Variants in DECR2 observed in about 807,000 individuals in gnomAD.
DECR2 encodes peroxisomal 2,4-dienoyl-CoA reductase [(3E)-enoyl-CoA-producing].
DECR2 carries 34 observed loss-of-function variants against 29.2 expected under a neutral mutation model. The ratio of observed to expected loss-of-function variants is 1.16; its 90% CI spans 0.89 to 1.55. The LOEUF is 1.55. DECR2 is among the 40% of genes most tolerant of loss of function. The pLI is 0.00. For missense variants in DECR2, 485 were observed against 425.3 expected (o/e 1.14, Z -1.23); for synonymous variants, 224 against 182.7 (o/e 1.23, Z -1.82).
chr16:408,808 A>G (rs985538717), intron 4 of DECR2, among the ~76,000 whole-genome samples: 14 of 151,338 alleles, frequency 9.3e-5, no homozygotes, highest in Non-Finnish European at 1.5e-5. Flanking sequence ...AGAGTCATCA[A>G]TAAAATAGAA....
rs1567340769 is a variant in DECR2 at position 408,024 on chromosome 16, CG to C, written c.337+467del. ...GCCTCTGTCTCCGGCCCCCTGTCTC[CG>C]GGCCCCTGTCTCCGGGCCTCTGTCT... On this transcript the variant is annotated intron_variant, in intron 4 of 8. Transcript: ENST00000219481. Among the ~76,000 whole-genome samples the C allele has an allele frequency of 3.4e-4, 19 of 56,282 alleles. 1 individual carries two copies. The highest frequency in any genetic ancestry group is 9.6e-4 in the East Asian group (2 of 2,084). 36.9% of individuals were successfully genotyped at this position (56,282 alleles called of 152,430 possible).
Position 410,268 on chromosome 16 carries a change from C to T in DECR2, c.363C>T (p.Pro121=), listed in dbSNP as rs760691987. The change falls in exon 5 of 9, where the codon CCC becomes CCT. Residue 121 remains proline, a synonymous_variant. Transcript: ENST00000219481. The surrounding 1 kb of genome is among the most constrained non-coding windows in gnomAD (Gnocchi z 4.1). ...INCAAGNFLC[P]AGALSFNAFK... Reference sequence around the variant, plus strand: ...GTGCGGCCGGGAACTTCCTGTGCCCCGCTGGCGCCTTGTCCTTCAACGCCT... The same window carrying T: ...GTGCGGCCGGGAACTTCCTGTGCCCTGCTGGCGCCTTGTCCTTCAACGCCT... 29 of 1,613,466 alleles carry T rather than the reference C, an allele frequency of 1.8e-5. No individual in the cohort carries two copies. The highest frequency in any genetic ancestry group is 1.2e-4 in the South Asian group (11 of 91,044).
At position 406,407 on chromosome 16, in the gene DECR2, C is replaced by T; in HGVS notation, c.201+10C>T. ...GCCGCGAGTGCTGACGGTGAGAGGG[C>T]CTCTCCCATGGTCCCCTGTTCGGGT... On this transcript the variant is annotated intron_variant, in intron 3 of 8. Coordinates refer to ENST00000219481, the MANE Select transcript of DECR2 (RefSeq NM_020664.4). 2 of 1,607,328 alleles carry T rather than the reference C, an allele frequency of 1.2e-6. No homozygotes were observed. The highest frequency in any genetic ancestry group is 1.1e-5 in the South Asian group (1 of 91,032).
rs1301197063 is a variant in DECR2, at chr16:408,011, G to A, written c.337+451G>A. Reference sequence around the variant, plus strand: ...CCCCTGTCTCCGGGCCTCTGTCTCCGGCCCCCTGTCTCCGGGCCCCTGTCT... The same window carrying A: ...CCCCTGTCTCCGGGCCTCTGTCTCCAGCCCCCTGTCTCCGGGCCCCTGTCT... On this transcript the variant is annotated intron_variant, in intron 4 of 8. Transcript: ENST00000219481. 2.5e-4 allele frequency among the ~76,000 whole-genome samples: 16 copies of A among 63,616 alleles called. 1 individual carries two copies. Among genetic ancestry groups the A allele is most frequent in the African/African-American group, 9.9e-4 (14 of 14,146 alleles). The allele number at this position is 63,616 out of a possible 152,430, so 41.7% of individuals were successfully genotyped here. A position where few individuals can be genotyped will look rare whatever the true frequency, so the allele number is the denominator to read the frequency against.
Position 402,000 on chromosome 16 carries a change from T to C in DECR2, c.37T>C (p.Cys13Arg). The change falls in exon 1 of 9, where the codon TGT (cysteine) becomes CGT (arginine). Residue 13 changes from cysteine to arginine, a missense_variant. Transcript: ENST00000219481. ...QPPPDVEGDD[C>R]LPAYRHLFCP... is the part of the protein sequence containing the mutation. The stretch of plus-strand genomic sequence containing the variant: ...GCCGCCCGACGTGGAGGGGGACGAC[T>C]GTCTCCCCGCGTACCGCCACCTCTT... 2 of 1,489,616 alleles carry C rather than the reference T, an allele frequency of 1.3e-6. No homozygotes were observed. The highest frequency in any genetic ancestry group is 1.4e-5 in the African/African-American group (1 of 69,268). The allele number at this position is 1,489,616 out of a possible 1,614,324, so 92.3% of individuals were successfully genotyped here.
rs1344460117 is a variant in DECR2, at chr16:401,990, G to T, written c.27G>T (p.Glu9Asp). Residue 9 changes from glutamate to aspartate, a missense_variant, in exon 1 of 9, where the codon GAG (glutamate) becomes GAT (aspartate). By Grantham distance (45) the Glu-to-Asp change is conservative (BLOSUM62 2). Coordinates refer to ENST00000219481, the MANE Select transcript of DECR2 (RefSeq NM_020664.4). ...TGGCCCAGCCGCCGCCCGACGTGGA[G>T]GGGGACGACTGTCTCCCCGCGTACC... Reference protein sequence around the residue: MAQPPPDVEGDDCLPAYRH... With the variant: MAQPPPDVDGDDCLPAYRH... The T allele has an allele frequency of 6.7e-7, 1 of 1,491,306 alleles. No homozygotes were observed. Among genetic ancestry groups the T allele is most frequent in the East Asian group, 2.9e-5 (1 of 34,560 alleles). The allele number at this position is 1,491,306 out of a possible 1,614,324, so 92.4% of individuals were successfully genotyped here.
At position 411,770 on chromosome 16, in the gene DECR2, C is replaced by G; in HGVS notation, c.*1-120C>G. ...GGAGGCGGGCGCTGGTGTACTTGCT[C>G]TTCTGTAGCGGCCTCGGCCTCTGCC... On this transcript the variant is annotated intron_variant, in intron 8 of 8. Transcript: ENST00000219481. The G allele has an allele frequency of 1.2e-5, 7 of 583,752 alleles. No homozygotes were observed. The South Asian group carries it at 1.8e-4, about 15-fold the overall frequency. 36.2% of individuals were successfully genotyped at this position (583,752 alleles called of 1,614,324 possible).
In DECR2 at chr16:411,001, TG is replaced by T; in HGVS notation, c.590del (p.Gly197ValfsTer31). 6.2e-7 allele frequency: 1 copy of T among 1,603,752 alleles called. No individual in the cohort carries two copies. The highest frequency in any genetic ancestry group is 8.5e-7 in the Non-Finnish European group (1 of 1,175,774). On this transcript the variant is annotated frameshift_variant, in exon 7 of 9. Coordinates refer to ENST00000219481, the MANE Select transcript of DECR2 (RefSeq NM_020664.4). LOFTEE classifies it high-confidence loss of function. ...DAMTRHLAVE[W>X]GPQNIRVNSL... ...GATGACGCGGCACTTGGCTGTGGAGTGGGGTCCCCAAAACATCCGCGTCAAC... is the reference window on the plus strand; with the variant it reads ...GATGACGCGGCACTTGGCTGTGGAGTGGGTCCCCAAAACATCCGCGTCAAC...
Position 411,434 on chromosome 16 carries a change from C to T in DECR2, c.735C>T (p.Ile245=), listed in dbSNP as rs372246299. Residue 245 remains isoleucine, a synonymous_variant, in exon 8 of 9, where the codon ATC becomes ATT. Coordinates refer to ENST00000219481, the MANE Select transcript of DECR2 (RefSeq NM_020664.4). ...PLQRLGNKTE[I]AHSVLYLASP... ...AGAGGCTGGGGAACAAGACCGAGAT[C>T]GCCCACAGCGTGCTCTACCTGGCCA... 68 of 1,613,388 alleles carry T rather than the reference C, an allele frequency of 4.2e-5. No homozygotes were observed. The highest frequency in any genetic ancestry group is 1.3e-4 in the East Asian group (6 of 44,896).
At chr16:409,578 A>G (rs1315812257) in intron 4 of DECR2, 1 of 152,216 alleles carries the variant, frequency 6.6e-6, no homozygotes, top group East Asian at 1.9e-4. Flanking sequence ...GTTTGTTACA[A>G]TTGATGAACC....
intron 4 of DECR2, among the ~76,000 whole-genome samples, chr16:409,312 A>G (rs545069746): frequency 1.3e-5 from 2 of 152,030 alleles, no homozygotes; most frequent in East Asian, 1.9e-4. Flanking sequence ...CTGGGACTAC[A>G]GGTGCCTGCC....
intron 1 of DECR2, chr16:403,064 G>GC: frequency 2.1e-6 from 2 of 963,644 alleles, no homozygotes; most frequent in Non-Finnish European, 2.5e-6. Context: ...AAAAAAAAAA[G>GC]TTTTTTTTCG....
chr16:407,305 T>G, intron 3 of DECR2, 120 bp from the exon 4 acceptor site: 3 of 1,473,172 alleles, frequency 2.0e-6, no homozygotes, highest in Non-Finnish European at 2.7e-6. Context: ...CAGAGTGGGG[T>G]CCAGCAGCAA....
In DECR2 at chr16:405,535, C is replaced by T. The variant is rs763285937; in HGVS notation, c.149+511C>T. ...CAGGGCATCTGAGGACCAGATGGGA[C>T]ATTGCAGCTCCAGTGGGACCTGCCT... On this transcript the variant is annotated intron_variant, in intron 2 of 8. Coordinates refer to ENST00000219481, the MANE Select transcript of DECR2 (RefSeq NM_020664.4). 13 of 1,304,660 alleles carry T rather than the reference C, an allele frequency of 1.0e-5. No homozygotes were observed. The South Asian group carries it at 1.4e-4, about 14-fold the overall frequency. 80.8% of individuals were successfully genotyped at this position (1,304,660 alleles called of 1,614,324 possible).
intron 3 of DECR2, 73 bp from the exon 4 acceptor site, chr16:407,352 C>G (rs563602780): frequency 6.6e-7 from 1 of 1,524,912 alleles, no homozygotes; most frequent in African/African-American, 1.4e-5. Flanking sequence ...GCATCGTCCT[C>G]TGCAGATTCC....
chr16:406,400 G>A lies in DECR2; in HGVS notation c.201+3G>A. The A allele has an allele frequency of 6.2e-7, 1 of 1,607,844 alleles. No homozygotes were observed. Among genetic ancestry groups the A allele is most frequent in the Non-Finnish European group, 8.5e-7 (1 of 1,179,896 alleles). On this transcript the variant is annotated splice_donor_region_variant and intron_variant, in intron 3 of 8. Coordinates refer to ENST00000219481, the MANE Select transcript of DECR2 (RefSeq NM_020664.4). ...GGAGCCTGCCGCGAGTGCTGACGGT[G>A]AGAGGGCCTCTCCCATGGTCCCCTG...
intron 1 of DECR2, among the ~76,000 whole-genome samples, chr16:404,034 G>A (rs547805343): frequency 4.0e-5 from 6 of 151,578 alleles, no homozygotes; most frequent in African/African-American, 1.2e-4. Flanking sequence ...TTAGCTGGGC[G>A]TGGTGGCAGG....
At chr16:406,769 G>A in intron 3 of DECR2, 1 of 748,958 alleles carries the variant, frequency 1.3e-6, no homozygotes, top group Non-Finnish European at 1.8e-6. Flanking sequence ...CAAAGTGCCA[G>A]GATTACAGGT....
intron 4 of DECR2, among the ~76,000 whole-genome samples, chr16:408,783 C>G (rs1268033506): frequency 6.6e-6 from 1 of 151,452 alleles, no homozygotes; most frequent in Non-Finnish European, 1.5e-5. Flanking sequence ...TCCCAAAATG[C>G]TGGGATTACA....
Sources: allele counts gnomAD v4.1 joint callset (sites outside exome capture counted in the v4.1 genomes callset), GRCh38; gene constraint gnomAD v4.1.1; non-coding constraint Gnocchi (gnomAD v3.1); transcripts MANE v1.5; gene names NCBI Gene and HGNC (gene_info 2026-07-23, HGNC 2026-07-21).